STOX2: variants seen among roughly 807,000 people sequenced by gnomAD.
The protein encoded by STOX2 is storkhead-box protein 2.
A neutral mutation model predicts 60.9 loss-of-function variants in STOX2; 28 were observed. The observed-to-expected ratio is 0.46, with a 90% CI of 0.34 to 0.63. The LOEUF is 0.63. STOX2 is among the 30% of genes least tolerant of loss of function. STOX2 has a pLI of 0.01. For missense variants in STOX2, 1,024 were observed against 1,187.7 expected, an observed-to-expected ratio of 0.86 and a Z score of 2.03; for synonymous variants, 472 against 463.9, an observed-to-expected ratio of 1.02 and a Z score of -0.22.
intron 1 of STOX2, among the ~76,000 whole-genome samples, chr4:183,956,216 C>A (rs1298469961): frequency 6.6e-6 from 1 of 152,186 alleles, no homozygotes; most frequent in Non-Finnish European, 1.5e-5. Flanking sequence ...GTTAACAATA[C>A]CTGAATTTGA....
At chr4:183,991,302 C>G (rs892881338) in intron 1 of STOX2, among the ~76,000 whole-genome samples, 2 of 152,202 alleles carry the variant, frequency 1.3e-5, no homozygotes, top group Non-Finnish European at 2.9e-5. Context: ...CCTCTGCACT[C>G]TTAGCCTTCC....
At chr4:183,916,391 C>CA (rs1487487590) in intron 1 of STOX2, among the ~76,000 whole-genome samples, 4 of 152,208 alleles carry the variant, frequency 2.6e-5, no homozygotes, top group Non-Finnish European at 5.9e-5. Context: ...GGCTTGGCTT[C>CA]ATAGTTCAAT....
chr4:183,939,935 G>A (rs1325805691), intron 1 of STOX2, among the ~76,000 whole-genome samples: 7 of 151,976 alleles, frequency 4.6e-5, no homozygotes, highest in East Asian at 1.9e-4. Flanking sequence ...ATGGAATCTC[G>A]CTCTGTCGCT....
chr4:183,969,475 C>T (rs1359327489), intron 1 of STOX2, among the ~76,000 whole-genome samples: 1 of 152,006 alleles, frequency 6.6e-6, no homozygotes, highest in African/African-American at 2.4e-5. Flanking sequence ...GCTTTGTTGC[C>T]CAAGCTGCTC....
chr4:183,986,349 G>C (rs1732843015), intron 1 of STOX2, among the ~76,000 whole-genome samples: 2 of 152,170 alleles, frequency 1.3e-5, no homozygotes, highest in Admixed American at 1.3e-4. Flanking sequence ...GGGGTCACAG[G>C]GTGACAGATA....
chr4:183,828,517 A>C (rs926020294), intron 1 of STOX2, among the ~76,000 whole-genome samples: 2 of 152,228 alleles, frequency 1.3e-5, no homozygotes, highest in African/African-American at 4.8e-5. Context: ...CTTTATAAAA[A>C]AAATGGTCAG....
In STOX2 at chr4:184,023,463, G is replaced by A. The variant is rs1734666544; in HGVS notation, c.*6179G>A. 6.6e-6 allele frequency: 1 copy of A among 152,160 alleles called. No individual in the cohort carries two copies. Among genetic ancestry groups the A allele is most frequent in the Non-Finnish European group, 1.5e-5 (1 of 68,032 alleles). 9.4% of individuals were successfully genotyped at this position (152,160 alleles called of 1,614,324 possible). ...ACTGTGTTCATGTTGTTTATGTAGTGTTGTGTGAAATATCCATTTTGGATT... is the reference window on the plus strand; with the variant it reads ...ACTGTGTTCATGTTGTTTATGTAGTATTGTGTGAAATATCCATTTTGGATT... On this transcript the variant is annotated 3_prime_UTR_variant, in exon 4 of 4. Transcript: ENST00000308497.
intron 1 of STOX2, among the ~76,000 whole-genome samples, chr4:183,883,811 A>G (rs996179233): frequency 6.6e-6 from 1 of 151,764 alleles, no homozygotes; most frequent in Non-Finnish European, 1.5e-5. Context: ...ATAGTCGCTT[A>G]ATTTTGGAGT....
At chr4:183,923,141 C>G (rs1035381279) in intron 1 of STOX2, among the ~76,000 whole-genome samples, 8 of 152,324 alleles carry the variant, frequency 5.3e-5, no homozygotes, top group African/African-American at 1.2e-4. Context: ...TGTACATACC[C>G]AGAAGTAGCA....
At position 183,913,063 on chromosome 4, in the gene STOX2, AG is replaced by A. The variant is rs1264408948; in HGVS notation, c.166+6109del. Among the ~76,000 whole-genome samples, 4 of 152,150 alleles carry A rather than the reference AG, an allele frequency of 2.6e-5. 1 individual carries two copies. Among genetic ancestry groups the A allele is most frequent in the African/African-American group, 9.7e-5 (4 of 41,434 alleles). On this transcript the variant is annotated intron_variant, in intron 1 of 3. Coordinates refer to ENST00000308497, the MANE Select transcript of STOX2 (RefSeq NM_020225.3). ...GTGAAACTGGAGTTCCGAGAACAGA[AG>A]GACGTTGCTTAGAAAAGGCTGCCTG... is the stretch of plus-strand genomic sequence containing the variant.
At chr4:183,848,445 A>C (rs529257543) in intron 1 of STOX2, among the ~76,000 whole-genome samples, 1 of 152,232 alleles carries the variant, frequency 6.6e-6, no homozygotes, top group Non-Finnish European at 1.5e-5. Flanking sequence ...TTCATTAGCC[A>C]TAAATAAGTC....
chr4:183,859,905 C>A (rs982501247), intron 1 of STOX2, among the ~76,000 whole-genome samples: 8 of 128,410 alleles, frequency 6.2e-5, no homozygotes, highest in Admixed American at 3.3e-4. Context: ...ATGTCAGTTG[C>A]GTTTACTGAC....
intron 1 of STOX2, among the ~76,000 whole-genome samples, chr4:183,818,273 T>C (rs2111107402): frequency 6.6e-6 from 1 of 152,082 alleles, no homozygotes; most frequent in Non-Finnish European, 1.5e-5. Context: ...CCCTGGGTAC[T>C]TGAGATTAGG....
intron 1 of STOX2, among the ~76,000 whole-genome samples, chr4:183,981,626 C>T (rs1211876299): frequency 6.6e-6 from 1 of 152,150 alleles, no homozygotes; most frequent in Admixed American, 6.5e-5. Flanking sequence ...TCATAAGCTC[C>T]TCAGTTTTTC....
chr4:183,870,815 C>A (rs1740671448), intron 1 of STOX2, among the ~76,000 whole-genome samples: 1 of 152,094 alleles, frequency 6.6e-6, no homozygotes, highest in Admixed American at 6.6e-5. Context: ...TGTATAAGAA[C>A]CCCATTTGTT....
rs1458596366 is a variant in STOX2 at position 183,856,474 on chromosome 4, G to T, written c.364+58419G>T. Among the ~76,000 whole-genome samples, 5 of 152,184 alleles carry T rather than the reference G, an allele frequency of 3.3e-5. No individual in the cohort carries two copies. Among genetic ancestry groups the T allele is most frequent in the East Asian group, 1.9e-4 (1 of 5,204 alleles). The stretch of plus-strand genomic sequence containing the variant: ...CTAACCTCGTATTTGACAGGTGAGG[G>T]TATTAATTCTGTTATTTCCACCTTC... On this transcript the variant is annotated intron_variant, in intron 1 of 2. Transcript: ENST00000513034. The surrounding 1 kb of genome is among the most constrained non-coding windows in gnomAD (Gnocchi z 4.0).
chr4:183,941,003 G>T (rs1742739479), intron 1 of STOX2, among the ~76,000 whole-genome samples: 1 of 152,148 alleles, frequency 6.6e-6, no homozygotes, highest in South Asian at 2.1e-4. Flanking sequence ...TTAGATCTGT[G>T]GTGTGGCCAA....
chr4:184,007,715 G>T (rs1388191621), intron 2 of STOX2, among the ~76,000 whole-genome samples: 1 of 152,188 alleles, frequency 6.6e-6, no homozygotes, highest in Non-Finnish European at 1.5e-5. Flanking sequence ...AGGATTGGTT[G>T]TCCTTCTGAG....
At chr4:184,008,977 G>T (rs73010273) in intron 2 of STOX2, among the ~76,000 whole-genome samples, 181 bp from the exon 3 acceptor site, 3,768 of 152,256 alleles carry the variant, frequency 0.025, 173 homozygotes, top group African/African-American at 0.087. Flanking sequence ...GGGTAGTAAT[G>T]TAGGAGTTAC....
Sources: gnomAD v4.1 joint callset for allele counts (sites outside exome capture counted in the v4.1 genomes callset) on GRCh38, gnomAD v4.1.1 for gene constraint, Gnocchi (gnomAD v3.1) non-coding constraint, MANE v1.5 for transcripts, NCBI Gene and HGNC (gene_info 2026-07-23, HGNC 2026-07-21) for gene names.